PPP1R12B: variants seen among roughly 807,000 people sequenced by gnomAD.
The protein encoded by PPP1R12B is myosin phosphatase target subunit 2.
A neutral mutation model predicts 126.1 loss-of-function variants in PPP1R12B; 76 were observed. That is an observed-to-expected ratio of 0.60 (90% CI 0.50 to 0.73). The LOEUF (loss-of-function observed/expected upper bound fraction) is 0.73. Ranked by LOEUF, PPP1R12B falls within the 30% of genes least tolerant of loss-of-function variation. The pLI is 0.00. For synonymous variants in PPP1R12B, 356 were observed against 434.7 expected, an observed-to-expected ratio of 0.82 and a Z score of 2.25; for missense variants, 1,052 against 1,205.1, an observed-to-expected ratio of 0.87 and a Z score of 1.88.
In PPP1R12B at chr1:202,411,317, C is replaced by T. The variant is rs553493923; in HGVS notation, c.292-5470C>T. 1.5e-4 allele frequency among the ~76,000 whole-genome samples: 22 copies of T among 150,056 alleles called. No individual in the cohort carries two copies. In the East Asian group the frequency reaches 4.0e-3, roughly 27 times the overall value. ...AGAAAACAGTCACTCCAAGGTGCTT[C>T]ATGAGAGTGTCCTACAACTCTGTTG... On this transcript the variant is annotated intron_variant, in intron 1 of 23. Coordinates refer to ENST00000608999, the MANE Select transcript of PPP1R12B (RefSeq NM_002481.4).
intron 13 of PPP1R12B, among the ~76,000 whole-genome samples, chr1:202,474,327 G>A (rs73087530): frequency 0.19 from 29,029 of 150,398 alleles, 2,959 homozygotes; most frequent in Non-Finnish European, 0.22. Flanking sequence ...CACTCTTGTC[G>A]CCCAGGTTGG....
At chr1:202,505,911 G>A (rs560657654) in intron 18 of PPP1R12B, among the ~76,000 whole-genome samples, 1 of 152,104 alleles carries the variant, frequency 6.6e-6, no homozygotes, top group South Asian at 2.1e-4. Context: ...GTTTTGAAAA[G>A]TCTGAGAAAT....
In PPP1R12B at chr1:202,493,285, C is replaced by T. The variant is rs1224609522; in HGVS notation, c.2113C>T (p.Gln705Ter). The T allele has an allele frequency of 6.2e-7, 1 of 1,612,574 alleles. No individual in the cohort carries two copies. Among genetic ancestry groups the T allele is most frequent in the Non-Finnish European group, 8.5e-7 (1 of 1,179,818 alleles). Residue 705 changes from glutamine to a stop codon, truncating the protein, a stop_gained, in exon 15 of 24, where the codon CAG (glutamine) becomes TAG (stop). Coordinates refer to ENST00000608999, the MANE Select transcript of PPP1R12B (RefSeq NM_002481.4). LOFTEE classifies it high-confidence loss of function. ...TCCAGCAACAGAAGCTGGGGAGGGC[C>T]AGCAGCCCTGGGGCAGGAGTCTGGA... ...AVPATEAGEG[Q>*]QPWGRSLDEE...
intron 13 of PPP1R12B, among the ~76,000 whole-genome samples, chr1:202,466,784 A>G (rs1167438311): frequency 2.0e-5 from 3 of 152,184 alleles, no homozygotes; most frequent in African/African-American, 7.2e-5. Context: ...AGTCCTCTTT[A>G]GAAAGAGGGA....
At chr1:202,430,660 G>A (rs530771006) in intron 6 of PPP1R12B, 71 bp from the exon 7 acceptor site, 2 of 1,552,830 alleles carry the variant, frequency 1.3e-6, no homozygotes, top group East Asian at 2.3e-5. Flanking sequence ...TACCATTTTG[G>A]TTCTCAATAC....
intron 10 of PPP1R12B, chr1:202,439,018 T>C: frequency 2.9e-6 from 4 of 1,380,812 alleles, no homozygotes; most frequent in Non-Finnish European, 4.1e-6. Flanking sequence ...AGTGCGGCAG[T>C]GCCCACTACC....
chr1:202,391,370 C>A (rs562499919), intron 1 of PPP1R12B, among the ~76,000 whole-genome samples: 24 of 152,132 alleles, frequency 1.6e-4, no homozygotes, highest in African/African-American at 5.8e-4. Context: ...ACCAAAAAGT[C>A]AAATAATGAC....
At position 202,481,281 on chromosome 1, in the gene PPP1R12B, C is replaced by T. The variant is rs141100981; in HGVS notation, c.1851-7252C>T. On this transcript the variant is annotated intron_variant, in intron 13 of 23. Coordinates refer to ENST00000608999, the MANE Select transcript of PPP1R12B (RefSeq NM_002481.4). ...TTAGAGTACACATTGTAACTAACCA[C>T]CACTTGTGTTGGTGTAGCATCAAAG... 2.1e-4 allele frequency among the ~76,000 whole-genome samples: 32 copies of T among 152,328 alleles called. No individual in the cohort carries two copies. The East Asian group carries it at 5.0e-3, about 24-fold the overall frequency.
At chr1:202,429,024 T>C (rs1669890711) in intron 6 of PPP1R12B, 95 bp downstream of exon 6, 6 of 1,050,848 alleles carry the variant, frequency 5.7e-6, no homozygotes, top group Admixed American at 2.8e-5. Flanking sequence ...CTGCTGAGAG[T>C]TGAAATGGAC....
At chr1:202,416,732 C>T in intron 1 of PPP1R12B, 55 bp from the exon 2 acceptor site, 1 of 1,537,950 alleles carries the variant, frequency 6.5e-7, no homozygotes, top group Non-Finnish European at 8.9e-7. Context: ...GTGTCTGGCA[C>T]ATAGTGGAAC....
intron 18 of PPP1R12B, among the ~76,000 whole-genome samples, chr1:202,530,017 CAT>C (rs1053767678): frequency 2.0e-5 from 3 of 152,146 alleles, no homozygotes; most frequent in African/African-American, 7.2e-5. Flanking sequence ...TCAGATAAAT[CAT>C]ATGCTTTAAA....
chr1:202,349,311 T>C (rs951335175), intron 1 of PPP1R12B, among the ~76,000 whole-genome samples, 169 bp downstream of exon 1: 1 of 152,176 alleles, frequency 6.6e-6, no homozygotes, highest in Non-Finnish European at 1.5e-5. Context: ...ACTAATCAAG[T>C]CTTTTTCTGA....
intron 1 of PPP1R12B, among the ~76,000 whole-genome samples, chr1:202,357,344 T>G (rs560424364): frequency 1.0e-3 from 153 of 152,276 alleles, no homozygotes; most frequent in African/African-American, 3.4e-3. Flanking sequence ...GACTGTTGGA[T>G]TTGGTCATTT....
chr1:202,442,307 T>C (rs751357835), intron 11 of PPP1R12B, 140 bp from the exon 12 acceptor site: 25 of 957,814 alleles, frequency 2.6e-5, no homozygotes, highest in Non-Finnish European at 3.6e-5. Context: ...AAAACTGGTA[T>C]ATAAAACAGA....
chr1:202,515,021 C>G (rs1681948884), intron 18 of PPP1R12B, among the ~76,000 whole-genome samples: 1 of 152,136 alleles, frequency 6.6e-6, no homozygotes. Context: ...AAGCCATTAT[C>G]CTTAGCAAAC....
chr1:202,365,950 G>A (rs908295915), intron 1 of PPP1R12B, among the ~76,000 whole-genome samples: 3 of 151,920 alleles, frequency 2.0e-5, no homozygotes, highest in South Asian at 2.1e-4. Context: ...TGATTGCACC[G>A]CTGCACTCCA....
At chr1:202,484,209 C>A (rs779344106) in intron 13 of PPP1R12B, among the ~76,000 whole-genome samples, 4 of 151,746 alleles carry the variant, frequency 2.6e-5, no homozygotes, top group Non-Finnish European at 5.9e-5. Context: ...CTTTTATTTA[C>A]TTCTGTGGTT....
At chr1:202,359,822 A>G (rs1045136616) in intron 1 of PPP1R12B, among the ~76,000 whole-genome samples, 2 of 152,078 alleles carry the variant, frequency 1.3e-5, no homozygotes, top group African/African-American at 4.8e-5. Flanking sequence ...ACAAAAACAA[A>G]AACAAATTTC....
At chr1:202,394,117 T>G (rs769320493) in intron 1 of PPP1R12B, among the ~76,000 whole-genome samples, 6 of 151,914 alleles carry the variant, frequency 3.9e-5, no homozygotes, top group Non-Finnish European at 8.8e-5. Context: ...GGCAGGCAGA[T>G]CACGAGGTCA....
Sources: gnomAD v4.1 joint callset for allele counts (sites outside exome capture counted in the v4.1 genomes callset) on GRCh38, gnomAD v4.1.1 for gene constraint, MANE v1.5 for transcripts, NCBI Gene and HGNC (gene_info 2026-07-23, HGNC 2026-07-21) for gene names.